CCDC102B: variants seen among roughly 807,000 people sequenced by gnomAD.
The protein encoded by CCDC102B is coiled-coil domain containing 102B.
In CCDC102B, 75 loss-of-function variants were observed where a neutral mutation model predicts 57.4. The observed-to-expected ratio is 1.31, with a 90% confidence interval of 1.08 to 1.58. CCDC102B has a LOEUF of 1.58. Ranked by LOEUF, CCDC102B falls within the 40% of genes most tolerant of loss-of-function variation. The pLI is 0.00. For synonymous variants in CCDC102B, 206 were observed against 201.9 expected, an observed-to-expected ratio of 1.02 and a Z score of -0.17; for missense variants, 636 against 582.6, an observed-to-expected ratio of 1.09 and a Z score of -0.94.
At chr18:69,027,823 A>G (rs142218139) in intron 7 of CCDC102B, among the ~76,000 whole-genome samples, 39 of 152,354 alleles carry the variant, frequency 2.6e-4, no homozygotes, top group African/African-American at 8.9e-4. Flanking sequence ...ACTGTTAAAT[A>G]AAATATGTGA....
intron 4 of CCDC102B, among the ~76,000 whole-genome samples, chr18:68,872,692 C>T (rs1306400074): frequency 2.0e-5 from 3 of 151,826 alleles, no homozygotes; most frequent in Non-Finnish European, 2.9e-5. Context: ...TCCATGTGGC[C>T]TCCCTTTTCT....
chr18:68,815,947 A>G (rs1454928497), intron 1 of CCDC102B, among the ~76,000 whole-genome samples: 1 of 152,210 alleles, frequency 6.6e-6, no homozygotes, highest in Admixed American at 6.5e-5. Context: ...ATAGCTTTAG[A>G]TAATTTGGAA....
chr18:68,782,341 A>AAT (rs139602582), intron 2 of CCDC102B, among the ~76,000 whole-genome samples: 3,733 of 148,960 alleles, frequency 0.025, 49 homozygotes, highest in East Asian at 0.085. Context: ...TCACCTTTCA[A>AAT]ATATATATAT....
At chr18:68,813,071 G>A (rs1418224255) in intron 1 of CCDC102B, among the ~76,000 whole-genome samples, 4 of 152,094 alleles carry the variant, frequency 2.6e-5, no homozygotes, top group African/African-American at 4.8e-5. Flanking sequence ...GGAGTGGTCT[G>A]GTGGGAGATG....
chr18:68,828,463 A>G (rs1164930054), intron 1 of CCDC102B, among the ~76,000 whole-genome samples: 12 of 151,768 alleles, frequency 7.9e-5, no homozygotes, highest in African/African-American at 2.9e-4. Context: ...AGAAGCAAAA[A>G]TTAGACAACA....
At chr18:68,776,561 G>A (rs2034824497) in intron 2 of CCDC102B, among the ~76,000 whole-genome samples, 2 of 152,052 alleles carry the variant, frequency 1.3e-5, no homozygotes. Flanking sequence ...AACTAACTCA[G>A]GAACAAAAAA....
chr18:68,738,871 T>C (rs1255836866), intron 2 of CCDC102B, among the ~76,000 whole-genome samples: 1 of 152,152 alleles, frequency 6.6e-6, no homozygotes, highest in Non-Finnish European at 1.5e-5. Context: ...TTCCTAGGCC[T>C]CTGACTGCAC....
chr18:68,912,989 G>A (rs933529630), intron 6 of CCDC102B, among the ~76,000 whole-genome samples: 1 of 152,140 alleles, frequency 6.6e-6, no homozygotes, highest in Non-Finnish European at 1.5e-5. Flanking sequence ...GGCTTCTGAT[G>A]TAGCTTATTG....
At chr18:68,906,849 T>G (rs2040666095) in intron 6 of CCDC102B, among the ~76,000 whole-genome samples, 1 of 99,812 alleles carries the variant, frequency 1.0e-5, no homozygotes, top group African/African-American at 3.6e-5. Context: ...TTTTTTTTTT[T>G]GTCATTTATG....
At chr18:69,023,555 A>G (rs2051905355) in intron 7 of CCDC102B, among the ~76,000 whole-genome samples, 1 of 151,732 alleles carries the variant, frequency 6.6e-6, no homozygotes, top group African/African-American at 2.4e-5. Flanking sequence ...ATAATTTATT[A>G]ATGTGAATAA....
intron 1 of CCDC102B, among the ~76,000 whole-genome samples, chr18:68,816,459 C>CTTTTT (rs869077830): frequency 8.4e-3 from 842 of 100,506 alleles, no homozygotes; most frequent in Non-Finnish European, 0.011. Flanking sequence ...TATTTCCTTT[C>CTTTTT]TTTTTTTTTT....
Position 68,959,436 on chromosome 18 carries a change from T to G in CCDC102B, c.1264-51498T>G, listed in dbSNP as rs184950077. On this transcript the variant is annotated intron_variant, in intron 6 of 7. Coordinates refer to ENST00000360242, the MANE Select transcript of CCDC102B (RefSeq NM_024781.3). ...TCTTTGAGGCCACCATCACTGGAACTAGGCTAGGTCAGACCTGAAGCCAGC... is the reference window on the plus strand; with the variant it reads ...TCTTTGAGGCCACCATCACTGGAACGAGGCTAGGTCAGACCTGAAGCCAGC... Among the ~76,000 whole-genome samples the G allele has an allele frequency of 5.9e-3, 905 of 152,240 alleles. 12 individuals carry two copies. Among genetic ancestry groups the G allele is most frequent in the African/African-American group, 0.021 (855 of 41,550 alleles).
At chr18:68,970,944 T>C (rs2050286238) in intron 6 of CCDC102B, among the ~76,000 whole-genome samples, 1 of 151,954 alleles carries the variant, frequency 6.6e-6, no homozygotes, top group South Asian at 2.1e-4. Flanking sequence ...TATTGTGCAG[T>C]ATATATGTAT....
chr18:68,919,181 T>G (rs1260346736), intron 6 of CCDC102B, among the ~76,000 whole-genome samples: 3 of 152,142 alleles, frequency 2.0e-5, no homozygotes, highest in Non-Finnish European at 4.4e-5. Context: ...TAAATAATTT[T>G]CCCAACTACT....
intron 1 of CCDC102B, among the ~76,000 whole-genome samples, chr18:68,820,519 T>G (rs1466549461): frequency 6.6e-6 from 1 of 152,132 alleles, no homozygotes; most frequent in Non-Finnish European, 1.5e-5. Flanking sequence ...GGTCTTGTTA[T>G]CAGGGTTTTA....
At chr18:68,790,089 A>C (rs372620839) in intron 2 of CCDC102B, among the ~76,000 whole-genome samples, 1,588 of 140,170 alleles carry the variant, frequency 0.011, 51 homozygotes, top group African/African-American at 0.017. Flanking sequence ...ATACCCTGCC[A>C]TGTGAGGTGT....
chr18:68,797,696 T>G (rs1471320114), upstream of CCDC102B, among the ~76,000 whole-genome samples: 1 of 152,090 alleles, frequency 6.6e-6, no homozygotes. Flanking sequence ...TATTTTATAT[T>G]GTTCCTGTAA....
At chr18:68,722,206 T>A (rs1202040175) in intron 2 of CCDC102B, among the ~76,000 whole-genome samples, 1 of 152,190 alleles carries the variant, frequency 6.6e-6, no homozygotes, top group Admixed American at 6.5e-5. Context: ...GGCTGCTATC[T>A]TTGCGGGGAT....
chr18:68,815,082 A>G (rs991771535), intron 1 of CCDC102B, among the ~76,000 whole-genome samples: 1 of 152,140 alleles, frequency 6.6e-6, no homozygotes. Flanking sequence ...ATTTCATGTA[A>G]GTTTCTATAA....
Sources: gnomAD v4.1 joint callset for allele counts (sites outside exome capture counted in the v4.1 genomes callset) on GRCh38, gnomAD v4.1.1 for gene constraint, MANE v1.5 for transcripts, NCBI Gene and HGNC (gene_info 2026-07-23, HGNC 2026-07-21) for gene names.